The following NAA35 variants were observed in gnomAD, a reference collection of about 807,000 sequenced individuals.
NAA35 encodes the protein MAK10 homolog, amino-acid N-acetyltransferase subunit.
A neutral mutation model predicts 101.7 loss-of-function variants in NAA35; 18 were observed. The ratio of observed to expected loss-of-function variants is 0.18; its 90% CI spans 0.12 to 0.26. NAA35 has a LOEUF of 0.26. Among genes scored for constraint, NAA35 ranks in the 10% least tolerant of loss-of-function variants. NAA35 has a pLI of 1.00. For synonymous variants in NAA35, 267 were observed against 273.1 expected (o/e 0.98, Z 0.22); for missense variants, 601 against 886.8 (o/e 0.68, Z 4.09).
intron 11 of NAA35, among the ~76,000 whole-genome samples, chr9:85,994,333 C>A (rs1427974979): frequency 3.3e-5 from 5 of 152,172 alleles, no homozygotes; most frequent in Admixed American, 6.5e-5. Flanking sequence ...CCCCACAAAC[C>A]CTCACGGCCA....
chr9:85,977,330 C>A (rs759071580), intron 9 of NAA35, 33 bp from the exon 10 acceptor site: 11 of 1,469,332 alleles, frequency 7.5e-6, no homozygotes, highest in Non-Finnish European at 1.0e-5. Flanking sequence ...GGCTTTGCAT[C>A]TTTTAACTTT....
chr9:85,960,699 A>G (rs7022283), intron 5 of NAA35, among the ~76,000 whole-genome samples: 1 of 152,168 alleles, frequency 6.6e-6, no homozygotes, highest in South Asian at 2.1e-4. Flanking sequence ...TGGGTGGAGT[A>G]AAGAAAGGAG....
intron 11 of NAA35, among the ~76,000 whole-genome samples, chr9:85,984,157 A>G (rs1312918926): frequency 2.6e-5 from 4 of 152,042 alleles, no homozygotes; most frequent in African/African-American, 9.7e-5. Context: ...GCAAGACCCC[A>G]TCTCTACAAA....
chr9:86,016,661 A>G lies in NAA35; in HGVS notation c.1691A>G (p.Lys564Arg). 1 of 1,612,616 alleles carries G rather than the reference A, an allele frequency of 6.2e-7. No homozygotes were observed. The highest frequency in any genetic ancestry group is 8.5e-7 in the Non-Finnish European group (1 of 1,179,772). The change falls in exon 18 of 23, where the codon AAG becomes AGG. Residue 564 changes from lysine to arginine, a missense_variant. Coordinates refer to ENST00000361671, the MANE Select transcript of NAA35 (RefSeq NM_024635.4). ...QQKGRSSKKTKKKKKVRPLSR... is the reference protein window; with the variant it reads ...QQKGRSSKKTRKKKKVRPLSR... ...AAAGGCCGTAGTAGTAAAAAAACAA[A>G]GAAAAAAAAGAAAGGTGCTGTGGAT...
intron 11 of NAA35, chr9:85,986,680 G>C (rs1262164956): frequency 6.4e-6 from 2 of 310,432 alleles, no homozygotes; most frequent in Non-Finnish European, 1.3e-5. Context: ...TGCCTCCCGG[G>C]TTCAAATGAT....
At chr9:86,009,032 A>C (rs947439638) in intron 14 of NAA35, among the ~76,000 whole-genome samples, 1 of 152,144 alleles carries the variant, frequency 6.6e-6, no homozygotes, top group African/African-American at 2.4e-5. Flanking sequence ...CCTATGCCTC[A>C]TGACAGTCAT....
intron 21 of NAA35, 71 bp from the exon 22 acceptor site, chr9:86,020,818 G>T: frequency 8.4e-7 from 1 of 1,197,230 alleles, no homozygotes; most frequent in Middle Eastern, 2.2e-4. Context: ...TTGACAGCAG[G>T]TCTCAAAAAA....
chr9:85,949,347 T>G (rs984168384), intron 2 of NAA35, among the ~76,000 whole-genome samples: 2 of 150,958 alleles, frequency 1.3e-5, no homozygotes, highest in South Asian at 4.2e-4. Flanking sequence ...CATGCTGGAG[T>G]GTAATGGCGC....
At chr9:86,019,006 A>G (rs1400634483) in intron 21 of NAA35, among the ~76,000 whole-genome samples, 185 bp downstream of exon 21, 2 of 152,242 alleles carry the variant, frequency 1.3e-5, no homozygotes, top group African/African-American at 4.8e-5. Flanking sequence ...AGTTATTTTA[A>G]GAATGAGGTG....
At chr9:85,956,561 C>T (rs1397847790) in intron 3 of NAA35, among the ~76,000 whole-genome samples, 168 bp downstream of exon 3, 1 of 152,024 alleles carries the variant, frequency 6.6e-6, no homozygotes. Context: ...TTTGGGGCAG[C>T]TGACCCTAGT....
chr9:85,960,652 G>C (rs777638328), intron 5 of NAA35, among the ~76,000 whole-genome samples: 28 of 152,120 alleles, frequency 1.8e-4, no homozygotes, highest in Non-Finnish European at 2.9e-4. Flanking sequence ...CCCCCTCAAA[G>C]ATTTCTTTAT....
intron 5 of NAA35, among the ~76,000 whole-genome samples, chr9:85,961,280 T>A (rs1829500892): frequency 1.3e-5 from 2 of 152,144 alleles, no homozygotes; most frequent in African/African-American, 4.8e-5. Flanking sequence ...GGGCTTAAGG[T>A]AAAAATAACT....
intron 2 of NAA35, among the ~76,000 whole-genome samples, chr9:85,947,576 G>C (rs889760339): frequency 2.6e-5 from 4 of 152,200 alleles, no homozygotes; most frequent in Admixed American, 6.5e-5. Context: ...GTTCTCAACT[G>C]GGGGTGATTT....
At chr9:85,997,641 TCAA>T (rs1831222705) in intron 12 of NAA35, among the ~76,000 whole-genome samples, 1 of 151,892 alleles carries the variant, frequency 6.6e-6, no homozygotes, top group Non-Finnish European at 1.5e-5. Context: ...CTGCACCCGG[TCAA>T]TTTTTAAATT....
chr9:86,021,039 G>A (rs1251258807), intron 22 of NAA35, 70 bp downstream of exon 22: 17 of 1,129,030 alleles, frequency 1.5e-5, no homozygotes, highest in Non-Finnish European at 2.2e-5. Flanking sequence ...GCAATAAGAT[G>A]TGTAAATATT....
chr9:86,020,282 A>G (rs2118519950), intron 21 of NAA35, among the ~76,000 whole-genome samples: 1 of 152,278 alleles, frequency 6.6e-6, no homozygotes, highest in South Asian at 2.1e-4. Flanking sequence ...TTGAGGAGCT[A>G]CCTATGATGA....
In NAA35 at chr9:86,010,242, A is replaced by C. The variant is rs562328522; in HGVS notation, c.1290+311A>C. 3.3e-5 allele frequency among the ~76,000 whole-genome samples: 5 copies of C among 151,942 alleles called. No individual in the cohort carries two copies. The East Asian group carries it at 9.7e-4, about 29-fold the overall frequency. On this transcript the variant is annotated intron_variant, in intron 15 of 22. Coordinates refer to ENST00000361671, the MANE Select transcript of NAA35 (RefSeq NM_024635.4). ...GGGGGACAGAGTGAGACTTTGTCTC[A>C]ATAACCATAATAATAATAATAATAA...
intron 5 of NAA35, 65 bp downstream of exon 5, chr9:85,959,932 A>G: frequency 1.7e-6 from 2 of 1,211,062 alleles, no homozygotes; most frequent in East Asian, 2.4e-5. Flanking sequence ...CTTGTGATTT[A>G]AAAGCCTATA....
chr9:85,976,077 A>T (rs1830198330), intron 8 of NAA35, among the ~76,000 whole-genome samples: 1 of 152,190 alleles, frequency 6.6e-6, no homozygotes, highest in African/African-American at 2.4e-5. Context: ...CTCCACTTTT[A>T]GATGAGGAAA....
Sources: gnomAD v4.1 joint callset for allele counts (sites outside exome capture counted in the v4.1 genomes callset) on GRCh38, gnomAD v4.1.1 for gene constraint, MANE v1.5 for transcripts, NCBI Gene and HGNC (gene_info 2026-07-23, HGNC 2026-07-21) for gene names.